USP53: variants seen among roughly 807,000 people sequenced by gnomAD.
USP53 encodes the protein ubiquitin specific peptidase 53.
USP53 carries 71 observed loss-of-function variants against 94.9 expected under a neutral mutation model. That is an observed-to-expected ratio of 0.75 (90% CI 0.62 to 0.91). The LOEUF (loss-of-function observed/expected upper bound fraction) is 0.91. Ranked by LOEUF, USP53 falls within the 40% of genes least tolerant of loss-of-function variation. The pLI is 0.00. For synonymous variants in USP53, 375 were observed against 422.7 expected, an observed-to-expected ratio of 0.89 and a Z score of 1.39; for missense variants, 1,173 against 1,281.0, an observed-to-expected ratio of 0.92 and a Z score of 1.29.
Position 119,239,869 on chromosome 4 carries a change from G to A in USP53, c.110G>A (p.Gly37Glu). 1.9e-6 allele frequency: 3 copies of A among 1,608,770 alleles called. No homozygotes were observed. The South Asian group carries it at 3.3e-5, about 18-fold the overall frequency. ...APTKGLLNEP[G>E]QNSCFLNSAV... ...ACCAAAGGCTTGTTAAATGAACCAG[G>A]ACAAAACAGCTGCTTTCTTAATAGC... Residue 37 changes from glycine to glutamate, a missense_variant, in exon 5 of 19, where the codon GGA (glycine) becomes GAA (glutamate). Physicochemically the swap from Gly to Glu is moderately conservative, Grantham distance 98. Transcript: ENST00000692078.
intron 7 of USP53, among the ~76,000 whole-genome samples, chr4:119,251,069 C>T (rs774991124): frequency 2.6e-5 from 4 of 151,426 alleles, no homozygotes; most frequent in East Asian, 1.9e-4. Flanking sequence ...CCCCACCCCC[C>T]ACAGGCCTCA....
intron 7 of USP53, among the ~76,000 whole-genome samples, chr4:119,250,710 G>C (rs1480027533): frequency 6.6e-6 from 1 of 152,164 alleles, no homozygotes; most frequent in Non-Finnish European, 1.5e-5. Flanking sequence ...GTTAGCTAAT[G>C]AATAGAATCC....
At chr4:119,244,437 T>C (rs1034986002) in intron 5 of USP53, among the ~76,000 whole-genome samples, 35 of 152,192 alleles carry the variant, frequency 2.3e-4, no homozygotes, top group African/African-American at 8.4e-4. Context: ...CTTAGTTACG[T>C]TATCTGAGGA....
At chr4:119,252,500 C>T (rs1016957595) in intron 7 of USP53, among the ~76,000 whole-genome samples, 7 of 151,940 alleles carry the variant, frequency 4.6e-5, no homozygotes, top group South Asian at 2.1e-4. Context: ...ATTTCTTCTA[C>T]GTTTTCTAGT....
chr4:119,238,616 G>A (rs1747108766), intron 4 of USP53, among the ~76,000 whole-genome samples: 1 of 152,162 alleles, frequency 6.6e-6, no homozygotes, highest in African/African-American at 2.4e-5. Context: ...TTGCTACAGG[G>A]TTGACACACA....
At chr4:119,233,990 G>T (rs1438393991) in intron 3 of USP53, among the ~76,000 whole-genome samples, 1 of 152,184 alleles carries the variant, frequency 6.6e-6, no homozygotes, top group African/African-American at 2.4e-5. Context: ...TTAGAGGCAT[G>T]ATCTTCTCCA....
rs999089542 is a variant in USP53, at chr4:119,294,579, C to T, written c.*1368C>T. 3.3e-5 allele frequency: 5 copies of T among 152,062 alleles called. No homozygotes were observed. Among genetic ancestry groups the T allele is most frequent in the African/African-American group, 4.8e-5 (2 of 41,442 alleles). 9.4% of individuals were successfully genotyped at this position (152,062 alleles called of 1,614,324 possible). A position where few individuals can be genotyped will look rare whatever the true frequency, so the allele number is the denominator to read the frequency against. ...AACTGAGAAACAGAACTAAAGTTTTCCTTACATTGCTAAATGGATAAACCT... is the reference window on the plus strand; with the variant it reads ...AACTGAGAAACAGAACTAAAGTTTTTCTTACATTGCTAAATGGATAAACCT... On this transcript the variant is annotated 3_prime_UTR_variant, in exon 19 of 19. Coordinates refer to ENST00000692078, the MANE Select transcript of USP53 (RefSeq NM_001371395.1).
intron 7 of USP53, among the ~76,000 whole-genome samples, chr4:119,254,367 T>C (rs1749469077): frequency 6.6e-6 from 1 of 152,190 alleles, no homozygotes; most frequent in Admixed American, 6.5e-5. Flanking sequence ...CAATCAAACA[T>C]AGATTTGGTC....
intron 17 of USP53, among the ~76,000 whole-genome samples, chr4:119,281,242 A>G (rs1019228543): frequency 7.9e-5 from 12 of 152,234 alleles, no homozygotes; most frequent in Non-Finnish European, 1.5e-4. Flanking sequence ...GAGAGAAGTC[A>G]AGGAAGATGA....
chr4:119,282,197 CT>C (rs2149461154), intron 17 of USP53, among the ~76,000 whole-genome samples: 1 of 152,164 alleles, frequency 6.6e-6, no homozygotes, highest in East Asian at 1.9e-4. Context: ...TATACCACAT[CT>C]TGTTTATGCT....
chr4:119,242,404 C>T (rs1040091380), intron 5 of USP53, among the ~76,000 whole-genome samples: 3 of 152,164 alleles, frequency 2.0e-5, no homozygotes, highest in Non-Finnish European at 4.4e-5. Flanking sequence ...GCTATTGAGA[C>T]TCCTTTTTCA....
At chr4:119,220,586 CAGTT>C (rs1561181523) in intron 3 of USP53, 6 of 152,108 alleles carry the variant, frequency 3.9e-5, no homozygotes, top group Non-Finnish European at 1.5e-5. Context: ...TCAAAGTAAA[CAGTT>C]AGGAGAATAT....
At chr4:119,255,377 G>C (rs1230840184) in intron 7 of USP53, among the ~76,000 whole-genome samples, 1 of 152,132 alleles carries the variant, frequency 6.6e-6, no homozygotes, top group Admixed American at 6.5e-5. Context: ...GCTGTGGTGG[G>C]CTCTGCCCAG....
intron 7 of USP53, among the ~76,000 whole-genome samples, chr4:119,250,810 A>C (rs995789106): frequency 6.6e-6 from 1 of 152,184 alleles, no homozygotes; most frequent in Non-Finnish European, 1.5e-5. Flanking sequence ...TATGAAATTC[A>C]CTGCAGATTG....
intron 6 of USP53, 120 bp from the exon 7 acceptor site, chr4:119,248,628 C>G: frequency 1.6e-6 from 2 of 1,223,608 alleles, no homozygotes; most frequent in Non-Finnish European, 2.2e-6. Context: ...AATTTTAGAG[C>G]AAAAGACTTC....
At chr4:119,215,208 G>A (rs1048285928) in intron 2 of USP53, among the ~76,000 whole-genome samples, 21 of 152,080 alleles carry the variant, frequency 1.4e-4, no homozygotes, top group East Asian at 9.6e-4. Context: ...TGTTATCTTT[G>A]CAGAGCTAGG....
chr4:119,245,424 T>C lies in USP53; in HGVS notation c.232T>C (p.Leu78=), dbSNP rs1004013740. The C allele has an allele frequency of 3.7e-6, 6 of 1,613,600 alleles. No individual in the cohort carries two copies. The African/African-American group carries it at 6.7e-5, about 18-fold the overall frequency. The change falls in exon 6 of 19, where the codon TTG becomes CTG. Residue 78 remains leucine (L), a synonymous_variant. Transcript: ENST00000692078. ...CQGDACIFCA[L]KTIFAQFQHS... is the part of the protein sequence containing the mutation. ...GGGAGATGCCTGTATATTTTGTGCA[T>C]TGAAGGTAACCTTTTAATAGCTCTG...
chr4:119,263,455 A>C (rs2149394204), intron 12 of USP53, among the ~76,000 whole-genome samples: 1 of 152,256 alleles, frequency 6.6e-6, no homozygotes, highest in South Asian at 2.1e-4. Flanking sequence ...TAGAAAGAAA[A>C]CTGTACAGGG....
rs1446446962 is a variant in USP53 at position 119,279,735 on chromosome 4, G to C, written c.2251+6027G>C. ...CCTTGCAGTTTGATCTCAGACTGCT[G>C]TGCTAGCAGTCAGCGAGATTCCATG... On this transcript the variant is annotated intron_variant, in intron 17 of 18. Transcript: ENST00000692078. 2.6e-5 allele frequency among the ~76,000 whole-genome samples: 4 copies of C among 152,198 alleles called. No individual in the cohort carries two copies. In the East Asian group the frequency reaches 5.8e-4, roughly 22 times the overall value.
Sources: gnomAD v4.1 joint callset for allele counts (sites outside exome capture counted in the v4.1 genomes callset) on GRCh38, gnomAD v4.1.1 for gene constraint, MANE v1.5 for transcripts, NCBI Gene and HGNC (gene_info 2026-07-23, HGNC 2026-07-21) for gene names.